Variants in PCDHA4 observed in about 807,000 individuals in gnomAD.
PCDHA4 encodes protocadherin alpha 4.
Under a neutral mutation model 61.4 loss-of-function variants are expected in PCDHA4, and 49 were observed. That is an observed-to-expected ratio of 0.80 (90% CI 0.63 to 1.01). The LOEUF is 1.01. PCDHA4 is among the 50% of genes least tolerant of loss of function. The pLI is 0.00. For synonymous variants in PCDHA4, 590 were observed against 550.3 expected (o/e 1.07, Z -1.01); for missense variants, 1,254 against 1,235.8 (o/e 1.01, Z -0.22).
At chr5:140,980,858 A>T (rs2096908934) in intron 2 of PCDHA4, among the ~76,000 whole-genome samples, 2 of 152,162 alleles carry the variant, frequency 1.3e-5, no homozygotes, top group Admixed American at 1.3e-4. Flanking sequence ...TCTTTTTCGT[A>T]TGTGTGCTTG....
chr5:140,875,858 A>T, intron 1 of PCDHA4: 1 of 1,613,908 alleles, frequency 6.2e-7, no homozygotes, highest in Non-Finnish European at 8.5e-7. Flanking sequence ...ATTAACGACA[A>T]CCCGCCGGTG....
rs199940622 is a variant in PCDHA4, at chr5:140,870,517, C to T, written c.2385+60945C>T. ...GAAGGAGAACAACCCACCAGGCTGCCACATCTTCACAGTGTCGGCGCGGGA... is the reference window on the plus strand; with the variant it reads ...GAAGGAGAACAACCCACCAGGCTGCTACATCTTCACAGTGTCGGCGCGGGA... On this transcript the variant is annotated intron_variant, in intron 1 of 3. Coordinates refer to ENST00000530339, the MANE Select transcript of PCDHA4 (RefSeq NM_018907.4). The T allele has an allele frequency of 6.8e-6, 11 of 1,614,224 alleles. No homozygotes were observed. Among genetic ancestry groups the T allele is most frequent in the Non-Finnish European group, 9.3e-6 (11 of 1,180,048 alleles).
In PCDHA4 at chr5:140,987,075, G is replaced by A. The variant is rs564788093; in HGVS notation, c.2533+4512G>A. On this transcript the variant is annotated intron_variant, in intron 3 of 3. Coordinates refer to ENST00000530339, the MANE Select transcript of PCDHA4 (RefSeq NM_018907.4). ...CTAAAGTTACAAAAATGAGCTGGGC[G>A]TGGTGGCAGGTGCCTGTAATCCCAG... is the stretch of plus-strand genomic sequence containing the variant. Among the ~76,000 whole-genome samples the A allele has an allele frequency of 3.7e-4, 57 of 152,124 alleles. No individual in the cohort carries two copies. In the East Asian group the frequency reaches 9.9e-3, roughly 26 times the overall value.
chr5:140,901,681 T>C (rs144868677), intron 1 of PCDHA4, among the ~76,000 whole-genome samples: 8 of 152,316 alleles, frequency 5.3e-5, no homozygotes, highest in African/African-American at 1.7e-4. Context: ...TTAGGTATTA[T>C]GGGTATTTTG....
At chr5:140,884,833 C>G in intron 1 of PCDHA4, 1 of 916,634 alleles carries the variant, frequency 1.1e-6, no homozygotes, top group Non-Finnish European at 1.5e-6. Context: ...GTTGGATTAT[C>G]CTTCAGAGTG....
intron 1 of PCDHA4, chr5:140,843,461 A>C (rs1476836171): frequency 1.3e-6 from 2 of 1,595,756 alleles, no homozygotes; most frequent in African/African-American, 2.7e-5. Flanking sequence ...GCTGGTGCTC[A>C]CGCTGCTGCT....
intron 3 of PCDHA4, among the ~76,000 whole-genome samples, chr5:140,988,674 T>C (rs1221039125): frequency 1.3e-5 from 2 of 152,240 alleles, no homozygotes; most frequent in Non-Finnish European, 2.9e-5. Context: ...GACTCTAAGA[T>C]AATTCTTTCC....
chr5:140,817,199 A>T (rs1766084808), intron 1 of PCDHA4: 2 of 152,306 alleles, frequency 1.3e-5, no homozygotes, highest in African/African-American at 4.8e-5. Flanking sequence ...AGAACACTGA[A>T]TGCATGCTTT....
intron 3 of PCDHA4, among the ~76,000 whole-genome samples, chr5:141,004,757 A>T (rs964370551): frequency 3.9e-5 from 6 of 152,164 alleles, no homozygotes; most frequent in African/African-American, 1.4e-4. Flanking sequence ...TCTCTTAGAG[A>T]CAGGACCTGT....
At chr5:140,950,551 G>T (rs1162032370) in intron 1 of PCDHA4, among the ~76,000 whole-genome samples, 1 of 151,932 alleles carries the variant, frequency 6.6e-6, no homozygotes, top group African/African-American at 2.4e-5. Context: ...CATGGCTGGG[G>T]GGACACTTAT....
intron 1 of PCDHA4, chr5:140,869,664 G>A (rs1554163333): frequency 5.0e-6 from 8 of 1,613,474 alleles, no homozygotes; most frequent in Non-Finnish European, 6.8e-6. Flanking sequence ...CAAATGGTAA[G>A]CAGATTAAAA....
At chr5:140,929,093 A>G in intron 1 of PCDHA4, 1 of 1,614,194 alleles carries the variant, frequency 6.2e-7, no homozygotes, top group Non-Finnish European at 8.5e-7. Flanking sequence ...ATGGTTTCAA[A>G]TCCTTGCATG....
chr5:140,821,735 T>A, intron 1 of PCDHA4: 1 of 1,535,068 alleles, frequency 6.5e-7, no homozygotes, highest in South Asian at 1.2e-5. Flanking sequence ...ATACATTGTG[T>A]GGTGATGCAA....
rs1197657289 is a variant in PCDHA4 at position 140,900,491 on chromosome 5, G to A, written c.2386-78458G>A. Among the ~76,000 whole-genome samples the A allele has an allele frequency of 2.6e-5, 4 of 152,160 alleles. No homozygotes were observed. The East Asian group carries it at 7.7e-4, about 29-fold the overall frequency. On this transcript the variant is annotated intron_variant, in intron 1 of 3. Transcript: ENST00000530339. ...GGAGTTTCTCCATGTTGGTCAGACT[G>A]GTCTCAAATTCCCAGCCTCAGGTGA...
chr5:140,949,050 T>C lies in PCDHA4; in HGVS notation c.2386-29899T>C, dbSNP rs561017467. 5.3e-5 allele frequency among the ~76,000 whole-genome samples: 8 copies of C among 151,896 alleles called. No homozygotes were observed. The East Asian group carries it at 1.5e-3, about 29-fold the overall frequency. On this transcript the variant is annotated intron_variant, in intron 1 of 3. Coordinates refer to ENST00000530339, the MANE Select transcript of PCDHA4 (RefSeq NM_018907.4). ...TATTCATTTAAAAGTATGTTCTAAT[T>C]TCCATTATGATTTAACTCTTTCACC...
chr5:140,840,878 T>A (rs1554137939), intron 1 of PCDHA4, among the ~76,000 whole-genome samples: 1 of 152,022 alleles, frequency 6.6e-6, no homozygotes, highest in African/African-American at 2.4e-5. Flanking sequence ...ACAGTTTACA[T>A]TTCTGATATC....
Position 140,829,886 on chromosome 5 carries a change from G to A in PCDHA4, c.2385+20314G>A, listed in dbSNP as rs2150176941. The A allele has an allele frequency of 5.0e-6, 8 of 1,613,958 alleles. No individual in the cohort carries two copies. The highest frequency in any genetic ancestry group is 6.8e-6 in the Non-Finnish European group (8 of 1,179,888). Reference sequence around the variant, plus strand: ...GGTGGCGAAGGTGCGCGCAGTTGACGCCGACTCAGGCTACAACGCGTGGCT... The same window carrying A: ...GGTGGCGAAGGTGCGCGCAGTTGACACCGACTCAGGCTACAACGCGTGGCT... On this transcript the variant is annotated intron_variant, in intron 1 of 3. Transcript: ENST00000530339.
intron 1 of PCDHA4, chr5:140,871,364 G>T (rs113722940): frequency 2.5e-6 from 4 of 1,614,102 alleles, no homozygotes; most frequent in Non-Finnish European, 3.4e-6. Context: ...CAGCAGAGGC[G>T]GCAGAGGGTG....
intron 1 of PCDHA4, chr5:140,848,806 T>G (rs2150421063): frequency 1.3e-6 from 2 of 1,591,932 alleles, no homozygotes; most frequent in African/African-American, 2.7e-5. Flanking sequence ...GAGTGCAGCA[T>G]CCACCTGGAG....
Sources: allele counts gnomAD v4.1 joint callset (sites outside exome capture counted in the v4.1 genomes callset), GRCh38; gene constraint gnomAD v4.1.1; transcripts MANE v1.5; gene names NCBI Gene and HGNC (gene_info 2026-07-23, HGNC 2026-07-21).